NKX2-6: variants seen among roughly 807,000 people sequenced by gnomAD.
NKX2-6 encodes the protein NK2 homeobox 6, also known as homeobox protein Nkx-2.6.
A neutral mutation model predicts 8.6 loss-of-function variants in NKX2-6; 8 were observed. The observed-to-expected ratio is 0.93, with a 90% CI of 0.54 to 1.67. The LOEUF (loss-of-function observed/expected upper bound fraction) is 1.67, where lower values mean the gene tolerates loss of function less well. Ranked by LOEUF, NKX2-6 falls within the 40% of genes most tolerant of loss-of-function variation. The probability of loss-of-function intolerance (pLI) is 0.00; values close to 1 mark genes in which losing one functional copy is unlikely to be tolerated. For missense variants in NKX2-6, 475 were observed against 423.1 expected (o/e 1.12, Z -1.08); for synonymous variants, 210 against 199.3 (o/e 1.05, Z -0.45).
intron 1 of NKX2-6, 51 bp from the exon 2 acceptor site, chr8:23,703,133 G>A (rs867161390): frequency 1.3e-6 from 2 of 1,511,404 alleles, no homozygotes; most frequent in Middle Eastern, 4.7e-4. Context: ...GCTCACCTGA[G>A]CGGTTCCTAC....
In NKX2-6 at chr8:23,706,573, G is replaced by A. The variant is rs555940947; in HGVS notation, c.26C>T (p.Thr9Ile). Residue 9 changes from threonine to isoleucine, a missense_variant, in exon 1 of 2, where the codon ACC becomes ATC. Coordinates refer to ENST00000325017, the MANE Select transcript of NKX2-6 (RefSeq NM_001136271.3). MLLSPVTS[T>I]PFSVKDILRL... ...CAGGATGTCCTTGACCGAGAAGGGG[G>A]TGGAGGTGACGGGGCTCAGCAGCAT... 1.3e-6 allele frequency: 2 copies of A among 1,536,116 alleles called. No homozygotes were observed. The highest frequency in any genetic ancestry group is 3.9e-5 in the Admixed American group (2 of 51,000).
intron 1 of NKX2-6, among the ~76,000 whole-genome samples, chr8:23,704,643 G>T (rs1457717413): frequency 1.3e-5 from 2 of 152,232 alleles, no homozygotes; most frequent in Non-Finnish European, 2.9e-5. Context: ...GGTATGTAAA[G>T]TTTGAGGACA....
At chr8:23,705,344 T>C (rs574364291) in intron 1 of NKX2-6, among the ~76,000 whole-genome samples, 15 of 152,356 alleles carry the variant, frequency 9.8e-5, no homozygotes, top group Non-Finnish European at 1.9e-4. Flanking sequence ...GGTTTATTTC[T>C]TTCGTTCGCG....
In NKX2-6 at chr8:23,703,083, C is replaced by T; in HGVS notation, c.275-1G>A. Reference sequence around the variant, plus strand: ...GGCGAGGCCGCGTTCAGGCCGGGCTCTAAAAGCACAGGAAGGGACACATCA... The same window carrying T: ...GGCGAGGCCGCGTTCAGGCCGGGCTTTAAAAGCACAGGAAGGGACACATCA... On this transcript the variant is annotated splice_acceptor_variant, in intron 1 of 1. Coordinates refer to ENST00000325017, the MANE Select transcript of NKX2-6 (RefSeq NM_001136271.3). LOFTEE classifies it high-confidence loss of function. 1 of 1,539,394 alleles carries T rather than the reference C, an allele frequency of 6.5e-7. No homozygotes were observed. Among genetic ancestry groups the T allele is most frequent in the Non-Finnish European group, 8.7e-7 (1 of 1,146,098 alleles).
chr8:23,703,695 C>CA (rs1801045426), intron 1 of NKX2-6, among the ~76,000 whole-genome samples: 1 of 89,440 alleles, frequency 1.1e-5, no homozygotes, highest in Admixed American at 1.1e-4. Context: ...GACTCCGTCT[C>CA]AAAAAACAAA....
In NKX2-6 at chr8:23,702,054, C is replaced by T. The variant is rs897097733; in HGVS notation, c.*397G>A. On this transcript the variant is annotated 3_prime_UTR_variant, in exon 2 of 2. Coordinates refer to ENST00000325017, the MANE Select transcript of NKX2-6 (RefSeq NM_001136271.3). The stretch of plus-strand genomic sequence containing the variant: ...TGTCATTAATTGGAGGATGGTAGGC[C>T]CGCTAGATCACCATCTCCATTCACC... 6.6e-6 allele frequency among the ~76,000 whole-genome samples: 1 copy of T among 152,128 alleles called. No individual in the cohort carries two copies. The highest frequency in any genetic ancestry group is 2.4e-5 in the African/African-American group (1 of 41,424).
chr8:23,706,563 C>G lies in NKX2-6; in HGVS notation c.36G>C (p.Ser12=), dbSNP rs375728930. 1.3e-6 allele frequency: 2 copies of G among 1,536,306 alleles called. No homozygotes were observed. Residue 12 remains serine, a synonymous_variant, in exon 1 of 2, where the codon TCG becomes TCC. Coordinates refer to ENST00000325017, the MANE Select transcript of NKX2-6 (RefSeq NM_001136271.3). The part of the protein sequence containing the change: ...LLSPVTSTPF[S]VKDILRLERE... Reference sequence around the variant, plus strand: ...GCTCCAGTCGCAGGATGTCCTTGACCGAGAAGGGGGTGGAGGTGACGGGGC... The same window carrying G: ...GCTCCAGTCGCAGGATGTCCTTGACGGAGAAGGGGGTGGAGGTGACGGGGC...
chr8:23,706,537 C>A lies in NKX2-6; in HGVS notation c.62G>T (p.Arg21Leu), dbSNP rs982163283. The A allele has an allele frequency of 2.3e-5, 35 of 1,536,764 alleles. No homozygotes were observed. The highest frequency in any genetic ancestry group is 2.9e-5 in the Non-Finnish European group (33 of 1,146,924). Residue 21 changes from arginine (R) to leucine (L), a missense_variant, in exon 1 of 2, where the codon CGC becomes CTC. By Grantham distance (102) the Arg-to-Leu change is moderately radical. Transcript: ENST00000325017. ...FSVKDILRLE[R>L]ERSCPAASPH... Reference sequence around the variant, plus strand: ...CGAAGCCGCGGGGCAGCTCCGCTCGCGCTCCAGTCGCAGGATGTCCTTGAC... The same window carrying A: ...CGAAGCCGCGGGGCAGCTCCGCTCGAGCTCCAGTCGCAGGATGTCCTTGAC...
In NKX2-6 at chr8:23,706,608, G is replaced by A. The variant is rs1326201693; in HGVS notation, c.-10C>T. On this transcript the variant is annotated 5_prime_UTR_variant, in exon 1 of 2. Transcript: ENST00000325017. The stretch of plus-strand genomic sequence containing the variant: ...CGGGGCTCAGCAGCATCCCGAAGGC[G>A]GATGGGGCGGGGCCGAGGAGGTCCG... The A allele has an allele frequency of 2.6e-6, 4 of 1,532,910 alleles. No individual in the cohort carries two copies. The highest frequency in any genetic ancestry group is 3.5e-6 in the Non-Finnish European group (4 of 1,144,966). 95.0% of individuals were successfully genotyped at this position (1,532,910 alleles called of 1,614,324 possible).
In NKX2-6 at chr8:23,702,455, C is replaced by T. The variant is rs1801018807; in HGVS notation, c.902G>A (p.Trp301Ter). The change falls in exon 2 of 2, where the codon TGG becomes TAG. Residue 301 changes from tryptophan (W) to a stop codon, truncating the protein, a stop_gained. Transcript: ENST00000325017. LOFTEE classifies it high-confidence loss of function. ...GCAGAGTCAAGCCGAGGAGCCTCACCAGGCCCTGACACCCTGCAGCGTGGC... is the reference window on the plus strand; with the variant it reads ...GCAGAGTCAAGCCGAGGAGCCTCACTAGGCCCTGACACCCTGCAGCGTGGC... The part of the protein sequence containing the change: ...LAATLQGVRA[W>*] The T allele has an allele frequency of 1.4e-6, 2 of 1,459,894 alleles. No individual in the cohort carries two copies. Among genetic ancestry groups the T allele is most frequent in the East Asian group, 2.5e-5 (1 of 39,810 alleles). The allele number at this position is 1,459,894 out of a possible 1,614,324, so 90.4% of individuals were successfully genotyped here.
At position 23,702,391 on chromosome 8, in the gene NKX2-6, CG is replaced by C; in HGVS notation, c.*59del. 7.1e-7 allele frequency: 1 copy of C among 1,406,142 alleles called. No homozygotes were observed. The highest frequency in any genetic ancestry group is 9.3e-7 in the Non-Finnish European group (1 of 1,078,960). 87.1% of individuals were successfully genotyped at this position (1,406,142 alleles called of 1,614,324 possible). ...CGCGTCCCCTCCTTGTCACGACCTGCGGGCGGAGGGGAAGGGAACGAGCATC... is the reference window on the plus strand; with the variant it reads ...CGCGTCCCCTCCTTGTCACGACCTGCGGCGGAGGGGAAGGGAACGAGCATC... On this transcript the variant is annotated 3_prime_UTR_variant, in exon 2 of 2. Coordinates refer to ENST00000325017, the MANE Select transcript of NKX2-6 (RefSeq NM_001136271.3).
Position 23,702,358 on chromosome 8 carries a change from TCCAGCG to T in NKX2-6, c.*87_*92del. On this transcript the variant is annotated 3_prime_UTR_variant, in exon 2 of 2. Transcript: ENST00000325017. The stretch of plus-strand genomic sequence containing the variant: ...AAGCGCCGTTGGGTAGCAGCTTCCT[TCCAGCG>T]CCGCGTCCCCTCCTTGTCACGACCT... 1 of 1,337,112 alleles carries T rather than the reference TCCAGCG, an allele frequency of 7.5e-7. No homozygotes were observed. Among genetic ancestry groups the T allele is most frequent in the Non-Finnish European group, 9.8e-7 (1 of 1,016,056 alleles). The allele number at this position is 1,337,112 out of a possible 1,614,324, so 82.8% of individuals were successfully genotyped here.
In NKX2-6 at chr8:23,702,752, G is replaced by C. The variant is rs1238197242; in HGVS notation, c.605C>G (p.Pro202Arg). 1.3e-6 allele frequency: 2 copies of C among 1,552,654 alleles called. No individual in the cohort carries two copies. Among genetic ancestry groups the C allele is most frequent in the African/African-American group, 1.4e-5 (1 of 73,122 alleles). ...CACAGCTACTCGGCGCGGCGTTAGAGGGTGGCCAGCCAGTTCCAGCGACTT... is the reference window on the plus strand; with the variant it reads ...CACAGCTACTCGGCGCGGCGTTAGACGGTGGCCAGCCAGTTCCAGCGACTT... ...QDKSLELAGH[P>R]LTPRRVAVPV... The change falls in exon 2 of 2, where the codon CCT becomes CGT. Residue 202 changes from proline (P) to arginine (R), a missense_variant. By Grantham distance (103) the Pro-to-Arg change is moderately radical. Transcript: ENST00000325017.
chr8:23,704,799 C>A (rs547979681), intron 1 of NKX2-6, among the ~76,000 whole-genome samples: 5 of 152,206 alleles, frequency 3.3e-5, no homozygotes, highest in Admixed American at 6.5e-5. Flanking sequence ...GCAAGGAGGA[C>A]CCCATTTCAA....
intron 1 of NKX2-6, among the ~76,000 whole-genome samples, chr8:23,703,626 G>T (rs1477614337): frequency 1.3e-5 from 2 of 152,158 alleles, no homozygotes; most frequent in Admixed American, 6.5e-5. Flanking sequence ...AACCCGGGAG[G>T]CGGAGCTTGC....
In NKX2-6 at chr8:23,706,276, C is replaced by T. The variant is rs1228636035; in HGVS notation, c.274+49G>A. On this transcript the variant is annotated intron_variant, in intron 1 of 1. Coordinates refer to ENST00000325017, the MANE Select transcript of NKX2-6 (RefSeq NM_001136271.3). ...CCCCATGCACCCATGGATCACGCCC[C>T]CGCCCCCACATTCCCCCCGTAGGAG... The T allele has an allele frequency of 2.7e-6, 4 of 1,480,042 alleles. No individual in the cohort carries two copies. In the South Asian group the frequency reaches 5.4e-5, roughly 20 times the overall value. 91.7% of individuals were successfully genotyped at this position (1,480,042 alleles called of 1,614,324 possible).
At position 23,702,402 on chromosome 8, in the gene NKX2-6, G is replaced by GA; in HGVS notation, c.*48dup. 1 of 1,411,122 alleles carries GA rather than the reference G, an allele frequency of 7.1e-7. No individual in the cohort carries two copies. Among genetic ancestry groups the GA allele is most frequent in the Non-Finnish European group, 9.2e-7 (1 of 1,081,830 alleles). 87.4% of individuals were successfully genotyped at this position (1,411,122 alleles called of 1,614,324 possible). Reference sequence around the variant, plus strand: ...CTTGTCACGACCTGCGGGCGGAGGGGAAGGGAACGAGCATCTGGCCCTGGT... The same window carrying GA: ...CTTGTCACGACCTGCGGGCGGAGGGGAAAGGGAACGAGCATCTGGCCCTGGT... On this transcript the variant is annotated 3_prime_UTR_variant, in exon 2 of 2. Coordinates refer to ENST00000325017, the MANE Select transcript of NKX2-6 (RefSeq NM_001136271.3).
intron 1 of NKX2-6, among the ~76,000 whole-genome samples, 199 bp from the exon 2 acceptor site, chr8:23,703,281 C>T (rs1178609605): frequency 6.6e-6 from 1 of 152,242 alleles, no homozygotes. Context: ...CAAGCTCTGT[C>T]ACCTTTATAT....
chr8:23,705,030 T>C (rs916974072), intron 1 of NKX2-6, among the ~76,000 whole-genome samples: 1 of 152,168 alleles, frequency 6.6e-6, no homozygotes, highest in African/African-American at 2.4e-5. Context: ...GGGTCCCTCC[T>C]CGGCGGCGTC....
Sources: allele counts gnomAD v4.1 joint callset (sites outside exome capture counted in the v4.1 genomes callset), GRCh38; gene constraint gnomAD v4.1.1; transcripts MANE v1.5; gene names NCBI Gene and HGNC (gene_info 2026-07-23, HGNC 2026-07-21).